GSE1: variants seen among roughly 807,000 people sequenced by gnomAD.
The protein encoded by GSE1 is genetic suppressor element 1.
GSE1 carries 32 observed loss-of-function variants against 112.6 expected under a neutral mutation model. That is an observed-to-expected ratio of 0.28 (90% CI 0.21 to 0.38). The LOEUF is 0.38. Among genes scored for constraint, GSE1 ranks in the 10% least tolerant of loss-of-function variants. GSE1 has a pLI of 1.00. For missense variants in GSE1, 2,348 were observed against 1,699.2 expected (o/e 1.38, Z -6.71); for synonymous variants, 1,115 against 735.6 (o/e 1.52, Z -8.35).
intron 5 of GSE1, among the ~76,000 whole-genome samples, 169 bp from the exon 6 acceptor site, chr16:85,655,557 C>T (rs2051846552): frequency 6.6e-6 from 1 of 152,222 alleles, no homozygotes; most frequent in Admixed American, 6.5e-5. Context: ...CAGCCTCCGG[C>T]ATCAAGGGGC....
intron 1 of GSE1, among the ~76,000 whole-genome samples, chr16:85,279,585 G>A (rs545652713): frequency 6.6e-6 from 1 of 152,276 alleles, no homozygotes; most frequent in East Asian, 1.9e-4. Flanking sequence ...GGCAGAGCAA[G>A]ACCCTGTTTC....
At chr16:85,556,161 A>ATTT (rs35799221) in exon 1 of GSE1, 7 of 865,694 alleles carry the variant, frequency 8.1e-6, no homozygotes, top group African/African-American at 7.8e-5. Flanking sequence ...GGAAAGACTG[A>ATTT]TTTTTTTTTT....
chr16:85,624,282 G>A (rs2048925283), intron 1 of GSE1, among the ~76,000 whole-genome samples: 1 of 152,214 alleles, frequency 6.6e-6, no homozygotes, highest in South Asian at 2.1e-4. Context: ...TCTGGAGGGA[G>A]GAAGGGCTCC....
At chr16:85,304,609 T>TG (rs34644508) in intron 1 of GSE1, among the ~76,000 whole-genome samples, 8 of 110,936 alleles carry the variant, frequency 7.2e-5, no homozygotes, top group Non-Finnish European at 1.5e-4. Flanking sequence ...GGCGGGGGGG[T>TG]GGGGCATCCC....
intron 2 of GSE1, among the ~76,000 whole-genome samples, chr16:85,462,190 C>G (rs1024264212): frequency 1.3e-5 from 2 of 152,156 alleles, no homozygotes; most frequent in African/African-American, 4.8e-5. Context: ...CACACGGTGT[C>G]AGGAGGTCCC....
intron 2 of GSE1, among the ~76,000 whole-genome samples, chr16:85,388,199 G>A (rs913574242): frequency 6.7e-6 from 1 of 149,772 alleles, no homozygotes; most frequent in African/African-American, 2.5e-5. Flanking sequence ...TGGATGGATG[G>A]ATGGAGGGAT....
intron 1 of GSE1, among the ~76,000 whole-genome samples, chr16:85,572,412 TACACACCACACAC>T (rs2046038074): frequency 9.2e-6 from 1 of 108,972 alleles, no homozygotes. Flanking sequence ...CCACACACAC[TACACACCACACAC>T]ACACAGCACA....
At chr16:85,523,603 G>C (rs934596228) in intron 2 of GSE1, among the ~76,000 whole-genome samples, 1 of 152,188 alleles carries the variant, frequency 6.6e-6, no homozygotes, top group Non-Finnish European at 1.5e-5. Context: ...CCCAGCCGTG[G>C]GGGCTGGAGC....
At chr16:85,647,653 C>G (rs1270788522) in intron 2 of GSE1, among the ~76,000 whole-genome samples, 1 of 152,156 alleles carries the variant, frequency 6.6e-6, no homozygotes, top group Non-Finnish European at 1.5e-5. Flanking sequence ...GCAGCACGAT[C>G]TCTGCTCACC....
At chr16:85,337,184 C>T (rs756076052) in intron 1 of GSE1, among the ~76,000 whole-genome samples, 1 of 152,236 alleles carries the variant, frequency 6.6e-6, no homozygotes, top group African/African-American at 2.4e-5. Context: ...CCTGTGGGCA[C>T]CCCCGCCTGC....
chr16:85,416,231 T>A (rs996088384), intron 2 of GSE1, among the ~76,000 whole-genome samples: 1 of 152,220 alleles, frequency 6.6e-6, no homozygotes, highest in African/African-American at 2.4e-5. Flanking sequence ...GAGAGTGGAA[T>A]ATAAATTGCA....
exon 1 of GSE1, chr16:85,556,081 C>T (rs2045195479): frequency 1.0e-6 from 1 of 984,578 alleles, no homozygotes; most frequent in African/African-American, 1.8e-5. Context: ...CTGCCAGGGC[C>T]AAGGTGGCCG....
chr16:85,443,509 TG>T (rs1228192494), intron 2 of GSE1, among the ~76,000 whole-genome samples: 15 of 152,242 alleles, frequency 9.9e-5, no homozygotes, highest in Admixed American at 9.2e-4. Flanking sequence ...ACCTGGCCCA[TG>T]GTAATGTTTA....
intron 1 of GSE1, among the ~76,000 whole-genome samples, chr16:85,268,298 T>C (rs1319369356): frequency 6.6e-6 from 1 of 152,022 alleles, no homozygotes; most frequent in Non-Finnish European, 1.5e-5. Flanking sequence ...CGCACAGCTG[T>C]ACTCCCCCCG....
chr16:85,383,030 GCA>G (rs756135969), intron 2 of GSE1, among the ~76,000 whole-genome samples: 7 of 150,986 alleles, frequency 4.6e-5, no homozygotes, highest in East Asian at 2.0e-4. Context: ...ACCCACACAT[GCA>G]CACACACACC....
chr16:85,467,217 G>A (rs1277677960), intron 2 of GSE1, among the ~76,000 whole-genome samples: 2 of 152,182 alleles, frequency 1.3e-5, no homozygotes. Context: ...GCGAGGGGCC[G>A]GAGCGAGCCA....
intron 1 of GSE1, among the ~76,000 whole-genome samples, chr16:85,227,757 C>T (rs535607171): frequency 5.9e-5 from 9 of 152,174 alleles, no homozygotes; most frequent in East Asian, 1.9e-4. Flanking sequence ...TCTGGCTCTG[C>T]GCTGGGCCCT....
chr16:85,234,180 C>T (rs1038325855), intron 1 of GSE1, among the ~76,000 whole-genome samples: 2 of 152,130 alleles, frequency 1.3e-5, no homozygotes, highest in Admixed American at 6.5e-5. Flanking sequence ...GTATCCACTC[C>T]CCGCCCTCCT....
At chr16:85,441,263 T>C (rs894831655) in intron 2 of GSE1, among the ~76,000 whole-genome samples, 2 of 152,154 alleles carry the variant, frequency 1.3e-5, no homozygotes, top group Admixed American at 1.3e-4. Flanking sequence ...CACCCCCCAA[T>C]TGTCAAAACC....
Sources: allele counts gnomAD v4.1 joint callset (sites outside exome capture counted in the v4.1 genomes callset), GRCh38; gene constraint gnomAD v4.1.1; transcripts MANE v1.5; gene names NCBI Gene and HGNC (gene_info 2026-07-23, HGNC 2026-07-21).